PTPRT: variants seen among roughly 807,000 people sequenced by gnomAD.
PTPRT encodes the protein receptor-type tyrosine-protein phosphatase T.
In PTPRT, 56 loss-of-function variants were observed where a neutral mutation model predicts 176.8. The observed-to-expected ratio is 0.32, with a 90% CI of 0.26 to 0.40. The LOEUF is 0.40. Among genes scored for constraint, PTPRT ranks in the 10% least tolerant of loss-of-function variants. The probability of loss-of-function intolerance (pLI) is 1.00; values close to 1 mark genes in which losing one functional copy is unlikely to be tolerated. For synonymous variants in PTPRT, 783 were observed against 739.0 expected (o/e 1.06, Z -0.96); for missense variants, 1,540 against 1,908.2 (o/e 0.81, Z 3.60).
chr20:42,536,281 C>T lies in PTPRT; in HGVS notation c.1154-63719G>A, dbSNP rs577533890. 6.2e-4 allele frequency among the ~76,000 whole-genome samples: 95 copies of T among 152,284 alleles called. 3 individuals carry two copies. The South Asian group carries it at 0.019, about 31-fold the overall frequency. The stretch of plus-strand genomic sequence containing the variant: ...TGCCCTATACATTATCTCCTTTAAT[C>T]CTTACAGTAACACCATGAGAGAAAT... On this transcript the variant is annotated intron_variant, in intron 7 of 30. Coordinates refer to ENST00000373187, the MANE Select transcript of PTPRT (RefSeq NM_007050.6).
intron 27 of PTPRT, 37 bp downstream of exon 27, chr20:42,098,384 C>G (rs763053147): frequency 3.7e-6 from 6 of 1,611,316 alleles, no homozygotes; most frequent in Non-Finnish European, 5.1e-6. Flanking sequence ...GCATGGCCCC[C>G]CTGACCCACC....
chr20:42,216,038 G>A (rs915612977), intron 15 of PTPRT, among the ~76,000 whole-genome samples: 17 of 152,278 alleles, frequency 1.1e-4, no homozygotes, highest in African/African-American at 3.4e-4. Context: ...CCAAGCAACC[G>A]CTTCCAAGCA....
intron 9 of PTPRT, among the ~76,000 whole-genome samples, chr20:42,434,411 G>A (rs2059243119): frequency 6.6e-6 from 1 of 152,090 alleles, no homozygotes; most frequent in African/African-American, 2.4e-5. Flanking sequence ...TGTGAATACA[G>A]ATCTTTAACC....
intron 12 of PTPRT, among the ~76,000 whole-genome samples, chr20:42,288,701 CT>C (rs2057271751): frequency 6.6e-6 from 1 of 152,006 alleles, no homozygotes; most frequent in African/African-American, 2.4e-5. Context: ...TGGTTTTATT[CT>C]TTTTTATGGC....
chr20:42,860,000 C>T (rs944580425), intron 2 of PTPRT, among the ~76,000 whole-genome samples: 2 of 152,016 alleles, frequency 1.3e-5, no homozygotes, highest in Non-Finnish European at 2.9e-5. Context: ...GTCCTGCTCC[C>T]CAAAATTAAA....
chr20:42,668,145 G>GA, intron 7 of PTPRT, among the ~76,000 whole-genome samples: 1 of 152,116 alleles, frequency 6.6e-6, no homozygotes, highest in Non-Finnish European at 1.5e-5. Context: ...TGGGGGGAAA[G>GA]AAAAAAAGTT....
intron 14 of PTPRT, among the ~76,000 whole-genome samples, chr20:42,241,740 A>G: frequency 6.6e-6 from 1 of 152,104 alleles, no homozygotes; most frequent in East Asian, 1.9e-4. Context: ...CAGAAGGAGC[A>G]GGATTCAATT....
intron 7 of PTPRT, among the ~76,000 whole-genome samples, chr20:42,640,077 A>G (rs1426993726): frequency 6.6e-6 from 1 of 152,100 alleles, no homozygotes; most frequent in Non-Finnish European, 1.5e-5. Flanking sequence ...TTTACCTGCT[A>G]CAATCTGGTT....
chr20:42,194,239 A>G (rs1991111202), intron 16 of PTPRT, among the ~76,000 whole-genome samples: 1 of 152,222 alleles, frequency 6.6e-6, no homozygotes, highest in East Asian at 1.9e-4. Context: ...CATGGCTTAC[A>G]GCACAGGGGT....
At chr20:42,408,535 A>C (rs913004164) in intron 9 of PTPRT, among the ~76,000 whole-genome samples, 3 of 152,118 alleles carry the variant, frequency 2.0e-5, no homozygotes, top group African/African-American at 7.2e-5. Flanking sequence ...AAGGCATATG[A>C]AGAATGATCA....
intron 9 of PTPRT, among the ~76,000 whole-genome samples, chr20:42,378,945 T>C (rs1050783295): frequency 6.6e-6 from 1 of 152,246 alleles, no homozygotes; most frequent in African/African-American, 2.4e-5. Flanking sequence ...CATGTGTAAT[T>C]TGACAGGTGT....
chr20:42,185,000 A>G (rs1226041265), intron 16 of PTPRT, among the ~76,000 whole-genome samples: 1 of 151,616 alleles, frequency 6.6e-6, no homozygotes, highest in East Asian at 1.9e-4. Context: ...TATCCTATCA[A>G]CTCATCGTGG....
chr20:42,169,791 C>CACACACACACACACACAA (rs752547377), intron 16 of PTPRT, among the ~76,000 whole-genome samples: 72 of 98,408 alleles, frequency 7.3e-4, no homozygotes, highest in African/African-American at 2.4e-3. Context: ...CACACACACA[C>CACACACACACACACACAA]AACAGTCAGT....
At chr20:42,685,003 T>C (rs1379825257) in intron 6 of PTPRT, among the ~76,000 whole-genome samples, 1 of 152,150 alleles carries the variant, frequency 6.6e-6, no homozygotes, top group African/African-American at 2.4e-5. Flanking sequence ...GGTGGGTAGA[T>C]ACCCATCCAA....
chr20:42,312,072 A>T (rs1418295531), intron 12 of PTPRT, among the ~76,000 whole-genome samples: 2 of 152,212 alleles, frequency 1.3e-5, no homozygotes, highest in Non-Finnish European at 2.9e-5. Context: ...TACATTTTAC[A>T]TTAACCTTCC....
chr20:42,661,430 A>G (rs570492720), intron 7 of PTPRT, among the ~76,000 whole-genome samples: 6 of 152,168 alleles, frequency 3.9e-5, no homozygotes, highest in Non-Finnish European at 7.3e-5. Flanking sequence ...TACATTTCCT[A>G]TTTTCAAAAG....
Position 42,496,876 on chromosome 20 carries a change from T to C in PTPRT, c.1154-24314A>G, listed in dbSNP as rs563102331. Among the ~76,000 whole-genome samples the C allele has an allele frequency of 3.7e-4, 56 of 152,278 alleles. No individual in the cohort carries two copies. In the South Asian group the frequency reaches 6.4e-3, roughly 17 times the overall value. On this transcript the variant is annotated intron_variant, in intron 7 of 30. Coordinates refer to ENST00000373187, the MANE Select transcript of PTPRT (RefSeq NM_007050.6). ...ACCGTTGACAATGCATTCCATAGAA[T>C]ACAATGTGTAATGAAACTTAAAGAT... is the stretch of plus-strand genomic sequence containing the variant.
At chr20:42,673,824 A>C (rs907447559) in intron 7 of PTPRT, among the ~76,000 whole-genome samples, 1 of 152,164 alleles carries the variant, frequency 6.6e-6, no homozygotes, top group Admixed American at 6.5e-5. Context: ...TGGTCGAGGG[A>C]CCACACTTTG....
chr20:42,456,833 T>G (rs1411052344), intron 8 of PTPRT, among the ~76,000 whole-genome samples: 2 of 152,182 alleles, frequency 1.3e-5, no homozygotes, highest in African/African-American at 2.4e-5. Context: ...AAGGGGGAAG[T>G]GCTTCTTCTT....
Sources: gnomAD v4.1 joint callset for allele counts (sites outside exome capture counted in the v4.1 genomes callset) on GRCh38, gnomAD v4.1.1 for gene constraint, MANE v1.5 for transcripts, NCBI Gene and HGNC (gene_info 2026-07-23, HGNC 2026-07-21) for gene names.